ERC2: variants seen among roughly 807,000 people sequenced by gnomAD.
The protein encoded by ERC2 is ERC protein 2.
In ERC2, 42 loss-of-function variants were observed where a neutral mutation model predicts 114.8. The ratio of observed to expected loss-of-function variants is 0.37; its 90% CI spans 0.29 to 0.47. The LOEUF is 0.47. Among genes scored for constraint, ERC2 ranks in the 20% least tolerant of loss-of-function variants. The pLI is 0.99. For missense variants in ERC2, 939 were observed against 1,150.7 expected (o/e 0.82, Z 2.66); for synonymous variants, 454 against 425.5 (o/e 1.07, Z -0.82).
chr3:55,572,277 G>A (rs926604141), intron 17 of ERC2, among the ~76,000 whole-genome samples: 7 of 152,152 alleles, frequency 4.6e-5, no homozygotes, highest in South Asian at 2.1e-4. Flanking sequence ...TGTTCACCTC[G>A]GTCCCTGGGC....
At chr3:56,388,181 C>T (rs1403001619) in intron 2 of ERC2, among the ~76,000 whole-genome samples, 1 of 152,138 alleles carries the variant, frequency 6.6e-6, no homozygotes, top group Non-Finnish European at 1.5e-5. Flanking sequence ...CCCTCCAAAG[C>T]TCACATCAAA....
chr3:56,131,159 A>T (rs1519031), intron 6 of ERC2, among the ~76,000 whole-genome samples: 3,781 of 152,232 alleles, frequency 0.025, 51 homozygotes, highest in Middle Eastern at 0.051. Context: ...AGACCTCCCA[A>T]TTGTGGCCAC....
At chr3:55,699,113 A>G (rs2063092277) in intron 16 of ERC2, among the ~76,000 whole-genome samples, 2 of 152,212 alleles carry the variant, frequency 1.3e-5, no homozygotes, top group Non-Finnish European at 2.9e-5. Context: ...CCGAGCCAGC[A>G]ATAGACTACA....
chr3:55,707,834 C>T (rs572518252), intron 15 of ERC2, among the ~76,000 whole-genome samples: 1 of 152,346 alleles, frequency 6.6e-6, no homozygotes, highest in East Asian at 1.9e-4. Context: ...AAGAGTGACA[C>T]AGTTGCACAT....
At chr3:56,164,444 T>G (rs999422015) in intron 4 of ERC2, among the ~76,000 whole-genome samples, 1 of 152,142 alleles carries the variant, frequency 6.6e-6, no homozygotes, top group Non-Finnish European at 1.5e-5. Context: ...TTTTTGTTGA[T>G]GAATAATATT....
At position 56,032,858 on chromosome 3, in the gene ERC2, G is replaced by GGAAA. The variant is rs149220809; in HGVS notation, c.1642-13831_1642-13828dup. Among the ~76,000 whole-genome samples, 434 of 68,770 alleles carry GGAAA rather than the reference G, an allele frequency of 6.3e-3. 7 individuals carry two copies. Among genetic ancestry groups the GGAAA allele is most frequent in the East Asian group, 9.2e-3 (21 of 2,290 alleles). The allele number at this position is 68,770 out of a possible 152,430, so 45.1% of individuals were successfully genotyped here. On this transcript the variant is annotated intron_variant, in intron 7 of 17. Coordinates refer to ENST00000288221, the MANE Select transcript of ERC2 (RefSeq NM_015576.3). ...CTGTTGGAAGAACAAAAGAAAGAAA[G>GGAAA]GAAAGAAAGAAAGAAAGAAAGAAAG...
intron 14 of ERC2, among the ~76,000 whole-genome samples, chr3:55,797,845 G>A (rs536649467): frequency 4.6e-5 from 7 of 152,190 alleles, no homozygotes; most frequent in South Asian, 2.1e-4. Context: ...AAATGAGCAC[G>A]CAACAACAGA....
At chr3:56,363,809 G>A (rs1446517840) in intron 2 of ERC2, among the ~76,000 whole-genome samples, 1 of 147,242 alleles carries the variant, frequency 6.8e-6, no homozygotes, top group Non-Finnish European at 1.5e-5. Context: ...GAAGAAGGGA[G>A]GGAGGGAGAA....
chr3:55,643,677 TTAGC>T (rs1259545748), intron 17 of ERC2, among the ~76,000 whole-genome samples: 1 of 152,178 alleles, frequency 6.6e-6, no homozygotes, highest in Non-Finnish European at 1.5e-5. Context: ...AGAGAAAACT[TTAGC>T]TATTATTATT....
chr3:55,932,600 ACAC>A (rs1304248403), intron 13 of ERC2, among the ~76,000 whole-genome samples: 3 of 152,120 alleles, frequency 2.0e-5, no homozygotes, highest in Non-Finnish European at 4.4e-5. Flanking sequence ...TGAATACTGC[ACAC>A]TCCTCATTTC....
At chr3:56,074,013 A>T (rs1385691) in intron 7 of ERC2, among the ~76,000 whole-genome samples, 66,524 of 148,988 alleles carry the variant, frequency 0.45, 14,884 homozygotes, top group Admixed American at 0.5. Context: ...CTACTTTTTT[A>T]AAATTACATT....
chr3:55,986,914 G>C (rs2149515751), intron 11 of ERC2, among the ~76,000 whole-genome samples: 1 of 151,932 alleles, frequency 6.6e-6, no homozygotes, highest in East Asian at 1.9e-4. Context: ...CAAAAACAAA[G>C]TGGATAAACA....
intron 10 of ERC2, among the ~76,000 whole-genome samples, chr3:55,994,174 C>G (rs2071302579): frequency 7.4e-6 from 1 of 136,040 alleles, no homozygotes; most frequent in South Asian, 2.7e-4. Flanking sequence ...ACTATCCAAA[C>G]AAGGCTATTA....
chr3:55,763,147 A>G (rs750178804), intron 14 of ERC2, among the ~76,000 whole-genome samples: 2 of 152,248 alleles, frequency 1.3e-5, no homozygotes, highest in African/African-American at 4.8e-5. Flanking sequence ...AGCACTGGCA[A>G]ATGCTCAAAG....
chr3:55,952,136 AACACACACACACACACAC>A lies in ERC2; in HGVS notation c.2268-1594_2268-1577del, dbSNP rs778299355. Among the ~76,000 whole-genome samples, 9 of 75,474 alleles carry A rather than the reference AACACACACACACACACAC, an allele frequency of 1.2e-4. No individual in the cohort carries two copies. In the East Asian group the frequency reaches 2.2e-3, roughly 18 times the overall value. 49.5% of individuals were successfully genotyped at this position (75,474 alleles called of 152,430 possible). A position where few individuals can be genotyped will look rare whatever the true frequency, so the allele number is the denominator to read the frequency against. ...CAACATAGCAAGGCCCCATCTCTAA[AACACACACACACACACAC>A]ACACACACACACACACACACACACA... On this transcript the variant is annotated intron_variant, in intron 12 of 17. Coordinates refer to ENST00000288221, the MANE Select transcript of ERC2 (RefSeq NM_015576.3).
intron 1 of ERC2, among the ~76,000 whole-genome samples, chr3:56,457,587 G>A (rs1268333220): frequency 1.3e-5 from 2 of 152,022 alleles, no homozygotes; most frequent in Non-Finnish European, 2.9e-5. Context: ...GAAATCTCTT[G>A]AAGTTTTAAG....
intron 14 of ERC2, among the ~76,000 whole-genome samples, chr3:55,885,036 C>G (rs2063298257): frequency 6.6e-6 from 1 of 152,032 alleles, no homozygotes; most frequent in African/African-American, 2.4e-5. Context: ...GTTATGAAAT[C>G]ACAGTTTCTT....
chr3:55,563,037 C>T lies in ERC2; in HGVS notation c.*40-51761G>A, dbSNP rs114646175. ...CTTAAAAACCCATCCATCAACCTTG[C>T]ACAGAAGGTCAAAGAAACACATGAA... is the stretch of plus-strand genomic sequence containing the variant. On this transcript the variant is annotated intron_variant, in intron 17 of 17. Transcript: ENST00000288221. 7.6e-3 allele frequency among the ~76,000 whole-genome samples: 1,151 copies of T among 152,220 alleles called. 18 individuals carry two copies. Among genetic ancestry groups the T allele is most frequent in the African/African-American group, 0.026 (1,065 of 41,532 alleles).
intron 3 of ERC2, among the ~76,000 whole-genome samples, chr3:56,290,079 CA>C (rs1290168081): frequency 1.3e-5 from 2 of 152,174 alleles, no homozygotes; most frequent in African/African-American, 4.8e-5. Flanking sequence ...CAGCATCCTC[CA>C]TAGGGATGCT....
Sources: allele counts gnomAD v4.1 joint callset (sites outside exome capture counted in the v4.1 genomes callset), GRCh38; gene constraint gnomAD v4.1.1; transcripts MANE v1.5; gene names NCBI Gene and HGNC (gene_info 2026-07-23, HGNC 2026-07-21).